FRY: variants seen among roughly 807,000 people sequenced by gnomAD.
The protein encoded by FRY is FRY microtubule binding protein.
FRY carries 128 observed loss-of-function variants against 348.4 expected under a neutral mutation model. That is an observed-to-expected ratio of 0.37 (90% CI 0.32 to 0.43). The LOEUF is 0.43. Ranked by LOEUF, FRY falls within the 20% of genes least tolerant of loss-of-function variation. The probability of loss-of-function intolerance (pLI) is 1.00; values close to 1 mark genes in which losing one functional copy is unlikely to be tolerated. For synonymous variants in FRY, 1,370 were observed against 1,374.7 expected, an observed-to-expected ratio of 1.00 and a Z score of 0.08; for missense variants, 2,736 against 3,695.2, an observed-to-expected ratio of 0.74 and a Z score of 6.73.
At chr13:32,206,855 A>T (rs909473702) in intron 31 of FRY, among the ~76,000 whole-genome samples, 10 of 152,228 alleles carry the variant, frequency 6.6e-5, no homozygotes, top group African/African-American at 2.4e-4. Flanking sequence ...CTGTAATTTC[A>T]AGTGACCTAA....
rs1882589415 is a variant in FRY at position 32,179,795 on chromosome 13, T to G, written c.2992T>G (p.Phe998Val). The change falls in exon 23 of 61, where the codon TTC becomes GTC. Residue 998 changes from phenylalanine (F) to valine (V), a missense_variant. By Grantham distance (50) the Phe-to-Val change is conservative (BLOSUM62 -1). Transcript: ENST00000542859. ...ATTTGGAAGAACAAATTCCCTTGTT[T>G]TCAGGTACAGTAGTCTTAATGAGTT... is the stretch of plus-strand genomic sequence containing the variant. The part of the protein sequence containing the change: ...LGFGRTNSLV[F>V]RELVEELHPL... 1 of 1,613,444 alleles carries G rather than the reference T, an allele frequency of 6.2e-7. No individual in the cohort carries two copies. The highest frequency in any genetic ancestry group is 1.7e-5 in the Admixed American group (1 of 60,008).
At position 32,239,702 on chromosome 13, in the gene FRY, T is replaced by A; in HGVS notation, c.6517-9T>A. ...ATTTTATTCCTAATTGATTTTTTTATTTTAAAAGGTTTGTTTAGAAGAGAA... is the reference window on the plus strand; with the variant it reads ...ATTTTATTCCTAATTGATTTTTTTAATTTAAAAGGTTTGTTTAGAAGAGAA... On this transcript the variant is annotated splice_polypyrimidine_tract_variant and intron_variant, in intron 45 of 60. Transcript: ENST00000542859. This position sits in a 1 kb window ranked among gnomAD's most constrained non-coding sequence, Gnocchi z 4.3. 1 of 1,596,722 alleles carries A rather than the reference T, an allele frequency of 6.3e-7. No individual in the cohort carries two copies. The highest frequency in any genetic ancestry group is 8.6e-7 in the Non-Finnish European group (1 of 1,164,428).
intron 22 of FRY, 133 bp from the exon 23 acceptor site, chr13:32,179,542 T>TGTGTGTGTGTGTGTGTGTGTG (rs59562533): frequency 3.0e-5 from 22 of 737,666 alleles, no homozygotes; most frequent in South Asian, 4.6e-5. Flanking sequence ...TGTGTGTGTG[T>TGTGTGTGTGTGTGTGTGTGTG]TTCCTGAAAT....
chr13:32,245,393 C>T (rs1886740646), intron 47 of FRY, among the ~76,000 whole-genome samples: 1 of 151,916 alleles, frequency 6.6e-6, no homozygotes, highest in Non-Finnish European at 1.5e-5. Flanking sequence ...TCGCTTGAGG[C>T]CAGGAGTTCA....
intron 17 of FRY, among the ~76,000 whole-genome samples, chr13:32,161,832 G>A (rs1256992446): frequency 6.6e-6 from 1 of 152,170 alleles, no homozygotes; most frequent in Non-Finnish European, 1.5e-5. Context: ...CCTTCCCAAT[G>A]CACAATCCAA....
chr13:32,106,856 T>C (rs1386189451), intron 3 of FRY, among the ~76,000 whole-genome samples: 1 of 152,248 alleles, frequency 6.6e-6, no homozygotes, highest in African/African-American at 2.4e-5. Flanking sequence ...ATGCCCAAAG[T>C]AGAACTATTT....
chr13:32,109,339 A>C (rs111556423), intron 3 of FRY, among the ~76,000 whole-genome samples: 1,889 of 152,282 alleles, frequency 0.012, 42 homozygotes, highest in African/African-American at 0.043. Context: ...TCTCAATCCC[A>C]GAAGGAAGAC....
chr13:32,053,546 A>G (rs142759540), intron 1 of FRY, among the ~76,000 whole-genome samples: 1 of 152,186 alleles, frequency 6.6e-6, no homozygotes, highest in African/African-American at 2.4e-5. Context: ...TAGTTTTCCA[A>G]GGTCCCACGG....
chr13:32,137,293 C>T (rs1393293120), intron 11 of FRY, among the ~76,000 whole-genome samples: 1 of 152,144 alleles, frequency 6.6e-6, no homozygotes, highest in East Asian at 1.9e-4. Context: ...GAATAAGGGC[C>T]ACATTCAGCT....
chr13:32,180,978 C>T (rs777458483), intron 23 of FRY, among the ~76,000 whole-genome samples: 132 of 152,090 alleles, frequency 8.7e-4, no homozygotes, highest in Non-Finnish European at 1.4e-3. Flanking sequence ...GCAACCTCCG[C>T]CTTCCAGGTT....
At chr13:32,291,799 G>A (rs563206167) in intron 59 of FRY, among the ~76,000 whole-genome samples, 28 of 152,256 alleles carry the variant, frequency 1.8e-4, no homozygotes, top group South Asian at 1.2e-3. Context: ...TCCAATGGAC[G>A]ACTTTGAGAG....
At chr13:32,201,022 A>G (rs981968781) in intron 29 of FRY, among the ~76,000 whole-genome samples, 1 of 152,146 alleles carries the variant, frequency 6.6e-6, no homozygotes, top group Non-Finnish European at 1.5e-5. Flanking sequence ...CCCCCTCCCC[A>G]GGGCAAATCC....
intron 11 of FRY, among the ~76,000 whole-genome samples, chr13:32,144,150 C>G (rs1226085229): frequency 6.6e-6 from 1 of 151,184 alleles, no homozygotes; most frequent in African/African-American, 2.4e-5. Context: ...TTTCAAGTCC[C>G]CTTTAAGTAA....
chr13:32,138,636 A>T (rs1426476519), intron 11 of FRY, among the ~76,000 whole-genome samples: 2 of 152,202 alleles, frequency 1.3e-5, no homozygotes, highest in African/African-American at 4.8e-5. Context: ...GATTTCTAAG[A>T]GGCAGTAAGG....
chr13:32,235,974 C>A, intron 42 of FRY, 104 bp from the exon 43 acceptor site: 1 of 859,648 alleles, frequency 1.2e-6, no homozygotes, highest in Non-Finnish European at 1.9e-6. Context: ...TAAATTAAAG[C>A]AGCAATAACA....
intron 35 of FRY, among the ~76,000 whole-genome samples, chr13:32,216,892 A>G (rs1159111702): frequency 6.6e-6 from 1 of 152,250 alleles, no homozygotes; most frequent in African/African-American, 2.4e-5. Context: ...GGGAAAAGAT[A>G]GCTGTCAGGA....
chr13:32,267,250 C>T lies in FRY; in HGVS notation c.8027C>T (p.Ala2676Val), dbSNP rs940696857. Reference sequence around the variant, plus strand: ...ATCCTTGCCGCCTTTCAGCCCGCAGCCTGTGACGATGCCGAGGAGGCCTGG... The same window carrying T: ...ATCCTTGCCGCCTTTCAGCCCGCAGTCTGTGACGATGCCGAGGAGGCCTGG... ...SAILAAFQPA[A>V]CDDAEEAWRS... The change falls in exon 55 of 61, where the codon GCC becomes GTC. Residue 2676 changes from alanine (A) to valine (V), a missense_variant. By Grantham distance (64) the Ala-to-Val change is moderately conservative (BLOSUM62 0). This residue lies in a region of FRY where 789 missense variants were observed against 996.2 expected (regional missense o/e 0.79). Transcript: ENST00000542859. 1.9e-6 allele frequency: 3 copies of T among 1,614,062 alleles called. No individual in the cohort carries two copies. Among genetic ancestry groups the T allele is most frequent in the African/African-American group, 1.3e-5 (1 of 74,932 alleles).
chr13:32,048,764 T>C (rs957445958), intron 1 of FRY, among the ~76,000 whole-genome samples: 7 of 152,068 alleles, frequency 4.6e-5, no homozygotes, highest in Admixed American at 3.3e-4. Flanking sequence ...TTGGAGACAC[T>C]GATGGCCTTA....
intron 3 of FRY, among the ~76,000 whole-genome samples, chr13:32,113,133 G>A (rs1878076486): frequency 1.3e-5 from 2 of 152,164 alleles, no homozygotes; most frequent in South Asian, 2.1e-4. Context: ...ATGTGATCAA[G>A]TATAAATAAA....
Sources: gnomAD v4.1 joint callset for allele counts (sites outside exome capture counted in the v4.1 genomes callset) on GRCh38, gnomAD v4.1.1 for gene constraint, gnomAD v4.1.1 regional missense constraint, Gnocchi (gnomAD v3.1) non-coding constraint, MANE v1.5 for transcripts, NCBI Gene and HGNC (gene_info 2026-07-23, HGNC 2026-07-21) for gene names.